Variants in CFAP161 observed in about 807,000 individuals in gnomAD.
CFAP161 encodes cilia- and flagella-associated protein 161.
In CFAP161, 25 loss-of-function variants were observed where a neutral mutation model predicts 29.0. That is an observed-to-expected ratio of 0.86 (90% confidence interval 0.63 to 1.20). The LOEUF (loss-of-function observed/expected upper bound fraction) is 1.20, where lower values mean the gene tolerates loss of function less well. Among genes scored for constraint, CFAP161 ranks in the 50% most tolerant of loss-of-function variants. The pLI, the probability that CFAP161 is intolerant of heterozygous loss-of-function variation, is 0.00. For synonymous variants in CFAP161, 116 were observed against 137.4 expected (o/e 0.84, Z 1.09); for missense variants, 367 against 371.9 (o/e 0.99, Z 0.11).
At chr15:81,116,397 G>A (rs1429594019) in intron 1 of CFAP161, among the ~76,000 whole-genome samples, 1 of 152,190 alleles carries the variant, frequency 6.6e-6, no homozygotes, top group African/African-American at 2.4e-5. Context: ...GGGTTCAAGT[G>A]ATTCTCCTGC....
At chr15:81,147,983 G>T (rs1895038782) in intron 6 of CFAP161, 52 bp downstream of exon 6, 2 of 1,430,768 alleles carry the variant, frequency 1.4e-6, no homozygotes, top group Non-Finnish European at 1.9e-6. Flanking sequence ...TGGGGGCCAT[G>T]AATATAAGCA....
At position 81,143,815 on chromosome 15, in the gene CFAP161, G is replaced by T; in HGVS notation, c.631G>T (p.Val211Phe). The change falls in exon 5 of 7, where the codon GTC (valine) becomes TTC (phenylalanine). Residue 211 changes from valine (V) to phenylalanine (F), a missense_variant. Physicochemically the swap from Val to Phe is conservative, Grantham distance 50. Coordinates refer to ENST00000286732, the MANE Select transcript of CFAP161 (RefSeq NM_173528.4). ...QLRLEYEGFPVPANAKILINH... is the reference protein window; with the variant it reads ...QLRLEYEGFPFPANAKILINH... ...ACGCCTGGAATATGAAGGCTTCCCC[G>T]TCCCGGTGAGTGCAGCATCGGGAAG... The T allele has an allele frequency of 1.9e-6, 3 of 1,613,858 alleles. No homozygotes were observed. In the South Asian group the frequency reaches 3.3e-5, roughly 18 times the overall value.
At chr15:81,144,187 G>T (rs566507331) in intron 5 of CFAP161, among the ~76,000 whole-genome samples, 1 of 152,214 alleles carries the variant, frequency 6.6e-6, no homozygotes, top group African/African-American at 2.4e-5. Flanking sequence ...TTTCTAAAAA[G>T]CTCAGGCCCT....
upstream of CFAP161, among the ~76,000 whole-genome samples, chr15:81,134,083 T>G (rs1230457209): frequency 6.6e-6 from 1 of 152,114 alleles, no homozygotes; most frequent in Non-Finnish European, 1.5e-5. Flanking sequence ...TCAGCCAGGG[T>G]TTTCCCTCTC....
chr15:81,109,960 C>T (rs1894420591), intron 1 of CFAP161, among the ~76,000 whole-genome samples: 1 of 152,084 alleles, frequency 6.6e-6, no homozygotes, highest in Non-Finnish European at 1.5e-5. Flanking sequence ...AGTGATTTCA[C>T]CATTTTTCCA....
At chr15:81,147,360 C>T (rs1025346157) in intron 5 of CFAP161, among the ~76,000 whole-genome samples, 3 of 152,108 alleles carry the variant, frequency 2.0e-5, no homozygotes, top group African/African-American at 4.8e-5. Context: ...CATGGACCAC[C>T]GATTTTTCCT....
rs113362705 is a variant in CFAP161, at chr15:81,099,651, C to T, written c.-141-27939C>T. On this transcript the variant is annotated intron_variant, in intron 1 of 4. Coordinates refer to the CFAP161 transcript ENST00000560091. ...TTTCCAAAAGCTCAACAAATAGCCC[C>T]AACATGCAGGGTTGTCTGTTGAGAT... 3 of 152,172 alleles carry T rather than the reference C, an allele frequency of 2.0e-5. 1 individual carries two copies. The highest frequency in any genetic ancestry group is 7.2e-5 in the African/African-American group (3 of 41,440). 9.4% of individuals were successfully genotyped at this position (152,172 alleles called of 1,614,324 possible).
intron 1 of CFAP161, among the ~76,000 whole-genome samples, chr15:81,124,205 A>G (rs1221729351): frequency 1.3e-5 from 2 of 152,078 alleles, no homozygotes; most frequent in Admixed American, 6.6e-5. Context: ...ATTTTGAGGT[A>G]TGTTCCTTCA....
At chr15:81,121,779 A>G (rs2141869331) in intron 1 of CFAP161, among the ~76,000 whole-genome samples, 1 of 152,288 alleles carries the variant, frequency 6.6e-6, no homozygotes, top group South Asian at 2.1e-4. Flanking sequence ...TAAACATGTC[A>G]TGGGGGTTTG....
intron 5 of CFAP161, among the ~76,000 whole-genome samples, chr15:81,144,022 A>G (rs1894963213): frequency 6.8e-6 from 1 of 147,458 alleles, no homozygotes; most frequent in Admixed American, 6.8e-5. Flanking sequence ...CTTTTTTTCC[A>G]TTTATAACAC....
rs555972871 is a variant in CFAP161, at chr15:81,148,452, G to T, written c.825G>T (p.Ser275=). 2 of 1,614,062 alleles carry T rather than the reference G, an allele frequency of 1.2e-6. No homozygotes were observed. The highest frequency in any genetic ancestry group is 1.7e-6 in the Non-Finnish European group (2 of 1,180,042). Residue 275 remains serine, a synonymous_variant, in exon 7 of 7, where the codon TCG becomes TCT. Transcript: ENST00000286732. ...TTACTGGGAATCCCAGGGATGCCTC[G>T]TCCTCCATGTTGGATCTGCCCAAAC... The part of the protein sequence containing the change: ...MLVTGNPRDA[S]SSMLDLPKPP...
At chr15:81,099,797 C>A (rs1894281452) in intron 1 of CFAP161, among the ~76,000 whole-genome samples, 1 of 152,132 alleles carries the variant, frequency 6.6e-6, no homozygotes, top group Non-Finnish European at 1.5e-5. Flanking sequence ...CATATTAATT[C>A]TAGTATTTAA....
At chr15:81,119,377 T>G (rs556427643) in intron 1 of CFAP161, among the ~76,000 whole-genome samples, 287 of 152,264 alleles carry the variant, frequency 1.9e-3, no homozygotes, top group African/African-American at 6.5e-3. Context: ...TTTTATAAAT[T>G]TTATATTATC....
intron 1 of CFAP161, among the ~76,000 whole-genome samples, chr15:81,122,792 G>A (rs994459805): frequency 7.9e-5 from 12 of 151,998 alleles, no homozygotes; most frequent in East Asian, 3.9e-4. Context: ...GTGCCTGGCC[G>A]ATGTTGATTT....
intron 1 of CFAP161, among the ~76,000 whole-genome samples, chr15:81,104,309 C>A (rs1458276456): frequency 2.0e-5 from 3 of 152,222 alleles, no homozygotes; most frequent in Admixed American, 2.0e-4. Context: ...TCAGTTTTCG[C>A]CTTCAATTTT....
rs569012345 is a variant in CFAP161, at chr15:81,105,822, T to G, written c.-141-21768T>G. 1.4e-4 allele frequency among the ~76,000 whole-genome samples: 21 copies of G among 152,272 alleles called. No individual in the cohort carries two copies. The South Asian group carries it at 4.1e-3, about 30-fold the overall frequency. ...GCTGTGTATTTCCAGTGAATAAAATTTATGATAATATGAGTGTTTGTACTG... is the reference window on the plus strand; with the variant it reads ...GCTGTGTATTTCCAGTGAATAAAATGTATGATAATATGAGTGTTTGTACTG... On this transcript the variant is annotated intron_variant, in intron 1 of 4. Coordinates refer to the CFAP161 transcript ENST00000560091.
chr15:81,104,198 C>T (rs1047670593), intron 1 of CFAP161, among the ~76,000 whole-genome samples: 1 of 152,202 alleles, frequency 6.6e-6, no homozygotes, highest in East Asian at 1.9e-4. Context: ...TTTTTTTCTG[C>T]AAGGCAGAGA....
intron 1 of CFAP161, among the ~76,000 whole-genome samples, chr15:81,122,595 G>A (rs568056659): frequency 2.0e-5 from 3 of 151,236 alleles, no homozygotes; most frequent in Admixed American, 6.6e-5. Flanking sequence ...AGGTTCAAGC[G>A]ATTCACCTGC....
intron 1 of CFAP161, among the ~76,000 whole-genome samples, chr15:81,100,610 A>G (rs888538222): frequency 4.6e-5 from 7 of 152,136 alleles, no homozygotes; most frequent in Non-Finnish European, 8.8e-5. Flanking sequence ...TCCTTGAAAT[A>G]AAAAAATTAT....
Sources: gnomAD v4.1 joint callset for allele counts (sites outside exome capture counted in the v4.1 genomes callset) on GRCh38, gnomAD v4.1.1 for gene constraint, MANE v1.5 for transcripts, NCBI Gene and HGNC (gene_info 2026-07-23, HGNC 2026-07-21) for gene names.